The following GRIA2 variants were observed in gnomAD, a reference collection of about 807,000 sequenced individuals.
The protein encoded by GRIA2 is glutamate ionotropic receptor AMPA type subunit 2, also known as glutamate receptor 2.
A neutral mutation model predicts 97.3 loss-of-function variants in GRIA2; 14 were observed. The observed-to-expected ratio is 0.14, with a 90% CI of 0.10 to 0.23. The LOEUF is 0.23. Ranked by LOEUF, GRIA2 falls within the 10% of genes least tolerant of loss-of-function variation. The pLI is 1.00. For missense variants in GRIA2, 558 were observed against 1,069.8 expected, an observed-to-expected ratio of 0.52 and a Z score of 6.67; for synonymous variants, 412 against 387.8, an observed-to-expected ratio of 1.06 and a Z score of -0.73.
chr4:157,226,180 A>C (rs1369950850), intron 2 of GRIA2, among the ~76,000 whole-genome samples: 1 of 152,054 alleles, frequency 6.6e-6, no homozygotes. Context: ...ATAAATTATA[A>C]AAATATTAAA....
rs371009560 is a variant in GRIA2 at position 157,353,643 on chromosome 4, A to G, written c.2044-6253A>G. 5.9e-3 allele frequency among the ~76,000 whole-genome samples: 897 copies of G among 152,270 alleles called. 16 individuals are homozygous for G. The highest frequency in any genetic ancestry group is 0.048 in the Middle Eastern group (14 of 294). On this transcript the variant is annotated intron_variant, in intron 12 of 15. Coordinates refer to ENST00000264426, the MANE Select transcript of GRIA2 (RefSeq NM_001083619.3). ...GTGAGCCGAGATAGGAGATAGAGCC[A>G]CTGCACTCCAGCCTGGGCTACAGAG...
At chr4:157,317,859 C>T in intron 5 of GRIA2, 148 bp downstream of exon 5, 1 of 458,144 alleles carries the variant, frequency 2.2e-6, no homozygotes, top group South Asian at 3.2e-5. Context: ...ACCTGTAATC[C>T]CAGCTACTTG....
intron 2 of GRIA2, among the ~76,000 whole-genome samples, chr4:157,303,126 T>C (rs1733687595): frequency 6.6e-6 from 1 of 152,192 alleles, no homozygotes; most frequent in African/African-American, 2.4e-5. Context: ...CATTAACTTT[T>C]AGATGTAAAA....
intron 2 of GRIA2, among the ~76,000 whole-genome samples, chr4:157,269,838 T>C: frequency 6.6e-6 from 1 of 152,124 alleles, no homozygotes; most frequent in Non-Finnish European, 1.5e-5. Context: ...CTACAGCCTT[T>C]ATCTGTTTAG....
chr4:157,311,442 G>C (rs1406422324), intron 3 of GRIA2, among the ~76,000 whole-genome samples: 1 of 151,958 alleles, frequency 6.6e-6, no homozygotes, highest in Non-Finnish European at 1.5e-5. Context: ...GGTGTCATAA[G>C]ATGTTTTAGA....
chr4:157,360,533 A>T (rs1276340281), intron 13 of GRIA2, among the ~76,000 whole-genome samples: 2 of 152,148 alleles, frequency 1.3e-5, no homozygotes, highest in Non-Finnish European at 1.5e-5. Context: ...CTGTATCCTA[A>T]CAGTAAACTG....
intron 2 of GRIA2, among the ~76,000 whole-genome samples, chr4:157,238,498 TTTGA>T (rs1230200470): frequency 1.3e-5 from 2 of 152,146 alleles, no homozygotes; most frequent in Non-Finnish European, 2.9e-5. Flanking sequence ...TTAATGTATC[TTTGA>T]TAGAAGAAAA....
At chr4:157,253,104 T>C (rs987249668) in intron 2 of GRIA2, among the ~76,000 whole-genome samples, 9 of 151,848 alleles carry the variant, frequency 5.9e-5, no homozygotes, top group African/African-American at 2.2e-4. Context: ...GATAAATATC[T>C]TAATCCCCCA....
At chr4:157,345,462 A>T (rs1028307085) in intron 12 of GRIA2, among the ~76,000 whole-genome samples, 7 of 152,124 alleles carry the variant, frequency 4.6e-5, no homozygotes, top group African/African-American at 1.7e-4. Context: ...TAATTAAGAG[A>T]GAATTAGCCT....
intron 6 of GRIA2, 41 bp from the exon 7 acceptor site, chr4:157,332,778 A>AT: frequency 6.5e-7 from 1 of 1,537,442 alleles, no homozygotes; most frequent in Middle Eastern, 1.7e-4. Context: ...GAGTTTCTGA[A>AT]TTTTCTCCCG....
At chr4:157,330,179 C>T (rs906734750) in intron 6 of GRIA2, among the ~76,000 whole-genome samples, 1 of 151,870 alleles carries the variant, frequency 6.6e-6, no homozygotes, top group Admixed American at 6.6e-5. Flanking sequence ...TACTAAACAA[C>T]CTTAGACAAT....
At chr4:157,279,037 A>G (rs1732476352) in intron 2 of GRIA2, among the ~76,000 whole-genome samples, 1 of 152,134 alleles carries the variant, frequency 6.6e-6, no homozygotes. Context: ...CAATTTGGAA[A>G]ACAATTTGGC....
intron 2 of GRIA2, among the ~76,000 whole-genome samples, chr4:157,276,355 T>C (rs1278831772): frequency 6.6e-6 from 1 of 152,014 alleles, no homozygotes; most frequent in Non-Finnish European, 1.5e-5. Flanking sequence ...ATGCAACTAA[T>C]CAAAATTTCT....
intron 12 of GRIA2, among the ~76,000 whole-genome samples, chr4:157,344,029 A>G (rs1735663186): frequency 6.6e-6 from 1 of 152,086 alleles, no homozygotes; most frequent in South Asian, 2.1e-4. Context: ...CCAGTATCAT[A>G]CCTTTCACAC....
Position 157,303,636 on chromosome 4 carries a change from G to A in GRIA2, c.314G>A (p.Gly105Glu). 2 of 1,613,974 alleles carry A rather than the reference G, an allele frequency of 1.2e-6. No individual in the cohort carries two copies. Among genetic ancestry groups the A allele is most frequent in the South Asian group, 1.1e-5 (1 of 91,074 alleles). ...GTAAATACCATCACATCATTTTGCG[G>A]AACACTCCACGTCTCCTTCATCACT... is the stretch of plus-strand genomic sequence containing the variant. ...KSVNTITSFC[G>E]TLHVSFITPS... is the part of the protein sequence containing the mutation. Residue 105 changes from glycine (G) to glutamate (E), a missense_variant, in exon 3 of 16, where the codon GGA becomes GAA. Around this residue, in one of 8 missense-constraint regions of GRIA2, gnomAD observed 96 missense variants for 176.6 expected, o/e 0.54. Transcript: ENST00000264426.
chr4:157,227,048 G>A (rs1292760302), intron 2 of GRIA2, among the ~76,000 whole-genome samples: 1 of 152,050 alleles, frequency 6.6e-6, no homozygotes, highest in Non-Finnish European at 1.5e-5. Context: ...TCAAAGAATG[G>A]CATTGGTTGA....
In GRIA2 at chr4:157,335,778, G is replaced by T; in HGVS notation, c.1374G>T (p.Gly458=). ...CTGCAGAAATCGCCAAACATTGTGG[G>T]TTCAAGTACAAGTTGACAATTGTTG... ...DLAAEIAKHC[G]FKYKLTIVGD... The change falls in exon 10 of 16, where the codon GGG becomes GGT. Residue 458 remains glycine, a synonymous_variant. Coordinates refer to ENST00000264426, the MANE Select transcript of GRIA2 (RefSeq NM_001083619.3). The T allele has an allele frequency of 6.2e-7, 1 of 1,612,832 alleles. No individual in the cohort carries two copies. The highest frequency in any genetic ancestry group is 1.3e-5 in the African/African-American group (1 of 74,958).
chr4:157,221,586 T>C, intron 1 of GRIA2, 81 bp from the exon 2 acceptor site: 1 of 1,442,570 alleles, frequency 6.9e-7, no homozygotes, highest in Non-Finnish European at 9.6e-7. Flanking sequence ...GACTCTTGGA[T>C]TTTTGGGCGC....
intron 2 of GRIA2, among the ~76,000 whole-genome samples, chr4:157,271,300 T>A (rs1178579247): frequency 1.3e-5 from 2 of 151,950 alleles, no homozygotes; most frequent in Non-Finnish European, 2.9e-5. Context: ...TCCCAGTGGT[T>A]GAAGGCTCAG....
Sources: gnomAD v4.1 joint callset for allele counts (sites outside exome capture counted in the v4.1 genomes callset) on GRCh38, gnomAD v4.1.1 for gene constraint, gnomAD v4.1.1 regional missense constraint, MANE v1.5 for transcripts, NCBI Gene and HGNC (gene_info 2026-07-23, HGNC 2026-07-21) for gene names.